PKNOX1: variants seen among roughly 807,000 people sequenced by gnomAD.
PKNOX1 encodes the protein homeobox protein PKNOX1.
A neutral mutation model predicts 51.9 loss-of-function variants in PKNOX1; 15 were observed. The ratio of observed to expected loss-of-function variants is 0.29; its 90% CI spans 0.19 to 0.45. PKNOX1 has a LOEUF of 0.45. Among genes scored for constraint, PKNOX1 ranks in the 20% least tolerant of loss-of-function variants. The pLI, the probability that PKNOX1 is intolerant of heterozygous loss-of-function variation, is 1.00. For missense variants in PKNOX1, 462 were observed against 547.5 expected, an observed-to-expected ratio of 0.84 and a Z score of 1.56; for synonymous variants, 219 against 211.1, an observed-to-expected ratio of 1.04 and a Z score of -0.32.
chr21:43,005,534 CT>C (rs35211045), intron 2 of PKNOX1, among the ~76,000 whole-genome samples: 86,146 of 145,038 alleles, frequency 0.59, 25,368 homozygotes, highest in Non-Finnish European at 0.62. Context: ...TTCCAATTGA[CT>C]TTTTTTTTTT....
At chr21:43,010,500 C>T (rs1601292269) in intron 4 of PKNOX1, among the ~76,000 whole-genome samples, 1 of 152,082 alleles carries the variant, frequency 6.6e-6, no homozygotes, top group South Asian at 2.1e-4. Flanking sequence ...AACTCCTGGC[C>T]TCAAGCAATC....
chr21:42,988,334 C>T (rs913595240), intron 1 of PKNOX1, among the ~76,000 whole-genome samples: 1 of 152,220 alleles, frequency 6.6e-6, no homozygotes, highest in Non-Finnish European at 1.5e-5. Context: ...CAGGCGTGAG[C>T]CACTGTGCCC....
rs1248343692 is a variant in PKNOX1 at position 43,016,982 on chromosome 21, A to G, written c.597A>G (p.Gly199=). Residue 199 remains glycine, a synonymous_variant, in exon 6 of 11, where the codon GGA becomes GGG. Transcript: ENST00000291547. ...TGCCGGCGTCCGCGCTGCAGCAGGG[A>G]AACGTAGCCATGGCGACGGTGGCAG... The part of the protein sequence containing the change: ...IVVPASALQQ[G]NVAMATVAGG... The G allele has an allele frequency of 6.2e-6, 10 of 1,612,626 alleles. No homozygotes were observed. The Admixed American group carries it at 1.5e-4, about 24-fold the overall frequency.
In PKNOX1 at chr21:43,021,545, T is replaced by A; in HGVS notation, c.849+114T>A. The A allele has an allele frequency of 3.2e-6, 4 of 1,239,342 alleles. No homozygotes were observed. Among genetic ancestry groups the A allele is most frequent in the African/African-American group, 1.5e-5 (1 of 66,464 alleles). The allele number at this position is 1,239,342 out of a possible 1,614,324, so 76.8% of individuals were successfully genotyped here. A position where few individuals can be genotyped will look rare whatever the true frequency, so the allele number is the denominator to read the frequency against. The stretch of plus-strand genomic sequence containing the variant: ...GGGCTCAGAAAATCAAAGGCCTGAC[T>A]TTCAGGACTTTGTGGCATGTCCATA... On this transcript the variant is annotated intron_variant, in intron 8 of 10. Transcript: ENST00000291547. The surrounding 1 kb of genome is among the most constrained non-coding windows in gnomAD (Gnocchi z 4.6).
chr21:42,997,924 C>G (rs1978584041), intron 1 of PKNOX1, among the ~76,000 whole-genome samples: 1 of 152,072 alleles, frequency 6.6e-6, no homozygotes, highest in Admixed American at 6.6e-5. Context: ...TAAGGGGATG[C>G]TGATGCCTGA....
chr21:42,974,900 A>G (rs2058984116), intron 1 of PKNOX1, among the ~76,000 whole-genome samples: 1 of 144,684 alleles, frequency 6.9e-6, no homozygotes. Flanking sequence ...CCTTCAGCCC[A>G]ACCGGCGCGG....
intron 1 of PKNOX1, among the ~76,000 whole-genome samples, chr21:43,001,260 G>A (rs1276127125): frequency 2.0e-5 from 3 of 152,336 alleles, no homozygotes; most frequent in South Asian, 2.1e-4. Flanking sequence ...TGTTGAAAGC[G>A]GTTTCCAGCC....
In PKNOX1 at chr21:43,030,312, G is replaced by T. The variant is rs1980207755; in HGVS notation, c.*211G>T. ...GTGTGTGCGTGTGTGCGTGTGTGTGGATTTTTAAAGAAATTCTTTAAAGGT... is the reference window on the plus strand; with the variant it reads ...GTGTGTGCGTGTGTGCGTGTGTGTGTATTTTTAAAGAAATTCTTTAAAGGT... On this transcript the variant is annotated 3_prime_UTR_variant, in exon 11 of 11. Transcript: ENST00000291547. 2.5e-6 allele frequency: 1 copy of T among 396,594 alleles called. No individual in the cohort carries two copies. The highest frequency in any genetic ancestry group is 3.8e-5 in the East Asian group (1 of 26,452). 24.6% of individuals were successfully genotyped at this position (396,594 alleles called of 1,614,324 possible). A position where few individuals can be genotyped will look rare whatever the true frequency, so the allele number is the denominator to read the frequency against.
rs771283980 is a variant in PKNOX1, at chr21:43,024,871, C to T, written c.850C>T (p.His284Tyr). ...GGTAACCTTCTTTTTTTATTTTCAG[C>T]ATCCCTACCCAACAGAGGATGAGAA... Reference protein sequence around the residue: ...MRSWLFQHIGHPYPTEDEKKQ... With the variant: ...MRSWLFQHIGYPYPTEDEKKQ... Residue 284 changes from histidine to tyrosine, a missense_variant and splice_region_variant, in exon 9 of 11, where the codon CAT (histidine) becomes TAT (tyrosine). Transcript: ENST00000291547. 1 of 1,602,490 alleles carries T rather than the reference C, an allele frequency of 6.2e-7. No individual in the cohort carries two copies. The highest frequency in any genetic ancestry group is 8.5e-7 in the Non-Finnish European group (1 of 1,170,342).
intron 1 of PKNOX1, among the ~76,000 whole-genome samples, chr21:42,977,399 A>G (rs2059002408): frequency 1.3e-5 from 2 of 152,184 alleles, no homozygotes; most frequent in Admixed American, 1.3e-4. Context: ...CGCTGCCTTC[A>G]TCAATGATCT....
intron 1 of PKNOX1, among the ~76,000 whole-genome samples, chr21:42,976,560 A>G (rs2058998530): frequency 6.6e-6 from 1 of 152,238 alleles, no homozygotes; most frequent in African/African-American, 2.4e-5. Flanking sequence ...TGCCACTGCT[A>G]TCCACTAAGT....
chr21:42,983,873 T>G (rs983429974), intron 1 of PKNOX1, among the ~76,000 whole-genome samples: 1 of 152,200 alleles, frequency 6.6e-6, no homozygotes, highest in Non-Finnish European at 1.5e-5. Context: ...TTCTTATGTG[T>G]TGTTGCTTTT....
At chr21:42,999,130 T>C (rs936310748) in intron 1 of PKNOX1, among the ~76,000 whole-genome samples, 2 of 152,248 alleles carry the variant, frequency 1.3e-5, no homozygotes, top group Non-Finnish European at 2.9e-5. Flanking sequence ...AATTCTTGAC[T>C]TCTGTGCACT....
At chr21:43,027,424 G>T (rs1226913093) in intron 9 of PKNOX1, among the ~76,000 whole-genome samples, 1 of 152,156 alleles carries the variant, frequency 6.6e-6, no homozygotes, top group Non-Finnish European at 1.5e-5. Flanking sequence ...CGCATGTCTG[G>T]TTTGCTATCT....
chr21:43,002,484 C>T (rs1343945020), intron 1 of PKNOX1, among the ~76,000 whole-genome samples: 4 of 151,262 alleles, frequency 2.6e-5, no homozygotes, highest in African/African-American at 4.9e-5. Flanking sequence ...GACTGCACCC[C>T]CTTAGTGGCT....
At chr21:43,007,742 T>A in intron 3 of PKNOX1, 124 bp downstream of exon 3, 1 of 1,062,372 alleles carries the variant, frequency 9.4e-7, no homozygotes, top group Non-Finnish European at 1.4e-6. Flanking sequence ...ATGTGATAAC[T>A]GCTCGGCTGA....
intron 5 of PKNOX1, among the ~76,000 whole-genome samples, chr21:43,014,112 C>T (rs1036080728): frequency 4.0e-5 from 6 of 150,416 alleles, no homozygotes; most frequent in African/African-American, 1.2e-4. Context: ...AACTCCGCCT[C>T]CTGGGTTCAT....
intron 1 of PKNOX1, among the ~76,000 whole-genome samples, chr21:42,985,176 C>G (rs879406880): frequency 1.3e-5 from 2 of 151,672 alleles, no homozygotes; most frequent in East Asian, 3.9e-4. Context: ...GCAGTAGAGA[C>G]AGGTTTCACC....
chr21:43,023,106 C>T (rs1336179772), intron 8 of PKNOX1, among the ~76,000 whole-genome samples: 1 of 152,018 alleles, frequency 6.6e-6, no homozygotes, highest in Non-Finnish European at 1.5e-5. Context: ...GCAGCGCCGA[C>T]CCCCTGTAGT....
Sources: gnomAD v4.1 joint callset for allele counts (sites outside exome capture counted in the v4.1 genomes callset) on GRCh38, gnomAD v4.1.1 for gene constraint, Gnocchi (gnomAD v3.1) non-coding constraint, MANE v1.5 for transcripts, NCBI Gene and HGNC (gene_info 2026-07-23, HGNC 2026-07-21) for gene names.